The following CATSPER3 variants were observed in gnomAD, a reference collection of about 807,000 sequenced individuals.
CATSPER3 encodes the protein cation channel sperm associated 3, also known as cation channel sperm-associated protein 3.
In CATSPER3, 23 loss-of-function variants were observed where a neutral mutation model predicts 36.6. That is an observed-to-expected ratio of 0.63 (90% CI 0.45 to 0.89). The LOEUF (loss-of-function observed/expected upper bound fraction) is 0.89. CATSPER3 is among the 40% of genes least tolerant of loss of function. The pLI is 0.00. For synonymous variants in CATSPER3, 172 were observed against 184.1 expected (o/e 0.93, Z 0.53); for missense variants, 474 against 503.9 (o/e 0.94, Z 0.57).
intron 2 of CATSPER3, among the ~76,000 whole-genome samples, chr5:134,974,561 C>T (rs986956362): frequency 1.3e-5 from 2 of 152,088 alleles, no homozygotes; most frequent in African/African-American, 4.8e-5. Flanking sequence ...TAATTTATTA[C>T]ACTATATATT....
chr5:135,002,914 T>C (rs1752039976), intron 3 of CATSPER3, among the ~76,000 whole-genome samples: 4 of 152,240 alleles, frequency 2.6e-5, no homozygotes, highest in African/African-American at 9.6e-5. Flanking sequence ...TCCTTTAGCT[T>C]GGAGAAGTTT....
Position 134,968,024 on chromosome 5 carries a change from A to T in CATSPER3, c.33A>T (p.Arg11Ser), listed in dbSNP as rs1751554767. The change falls in exon 1 of 8, where the codon AGA (arginine) becomes AGT (serine). Residue 11 changes from arginine (R) to serine (S), a missense_variant. By Grantham distance (110) the Arg-to-Ser change is moderately radical. Coordinates refer to ENST00000282611, the MANE Select transcript of CATSPER3 (RefSeq NM_178019.3). Reference sequence around the variant, plus strand: ...AACACCGTCACCAGCGCCACTCGAGAGTCATTTCTAGTTCACCAGTTGACA... The same window carrying T: ...AACACCGTCACCAGCGCCACTCGAGTGTCATTTCTAGTTCACCAGTTGACA... MSQHRHQRHSRVISSSPVDTT... is the reference protein window; with the variant it reads MSQHRHQRHSSVISSSPVDTT... The T allele has an allele frequency of 2.5e-6, 4 of 1,614,082 alleles. No individual in the cohort carries two copies. The highest frequency in any genetic ancestry group is 1.3e-5 in the African/African-American group (1 of 75,032).
chr5:135,006,981 G>A (rs192339184), intron 3 of CATSPER3, among the ~76,000 whole-genome samples: 8 of 152,122 alleles, frequency 5.3e-5, no homozygotes, highest in African/African-American at 1.9e-4. Flanking sequence ...AAACCGTTCC[G>A]CATGGAGGGC....
At chr5:134,970,128 T>C in intron 2 of CATSPER3, 36 bp downstream of exon 2, 1 of 1,592,192 alleles carries the variant, frequency 6.3e-7, no homozygotes, top group Non-Finnish European at 8.6e-7. Flanking sequence ...TCTTCTTTTT[T>C]TAAAACATGC....
chr5:135,010,711 GA>G (rs1478806396), intron 7 of CATSPER3, among the ~76,000 whole-genome samples, 181 bp downstream of exon 7: 5 of 152,282 alleles, frequency 3.3e-5, no homozygotes, highest in Middle Eastern at 3.4e-3. Context: ...CTGCTGTGTG[GA>G]CGGGCCATGG....
At chr5:134,970,152 A>T in intron 2 of CATSPER3, 60 bp downstream of exon 2, 2 of 1,535,672 alleles carry the variant, frequency 1.3e-6, no homozygotes, top group Admixed American at 1.7e-5. Flanking sequence ...ATTTCTGGAA[A>T]CATTATAAGA....
chr5:134,969,558 A>G, intron 1 of CATSPER3: 1 of 287,306 alleles, frequency 3.5e-6, no homozygotes, highest in South Asian at 3.8e-5. Context: ...AGTTTTGCTT[A>G]GTAGACTGGC....
At chr5:134,982,838 A>G in intron 2 of CATSPER3, among the ~76,000 whole-genome samples, 1 of 152,348 alleles carries the variant, frequency 6.6e-6, no homozygotes. Context: ...TTAAAAATAT[A>G]TGGTTTAAAA....
chr5:134,969,231 A>G (rs1751571581), intron 1 of CATSPER3: 1 of 152,332 alleles, frequency 6.6e-6, no homozygotes, highest in Admixed American at 6.5e-5. Context: ...CTTGGGTCAG[A>G]GAATGAATGG....
At chr5:134,989,559 A>G (rs1751854488) in intron 2 of CATSPER3, among the ~76,000 whole-genome samples, 1 of 152,166 alleles carries the variant, frequency 6.6e-6, no homozygotes, top group South Asian at 2.1e-4. Flanking sequence ...TCAAGAACCA[A>G]CCTCTGCTAG....
At chr5:134,969,858 G>A in intron 1 of CATSPER3, 81 bp from the exon 2 acceptor site, 2 of 1,382,078 alleles carry the variant, frequency 1.4e-6, no homozygotes, top group Non-Finnish European at 1.0e-6. Flanking sequence ...GCAGAGCCTT[G>A]TCCCTACAAA....
intron 3 of CATSPER3, among the ~76,000 whole-genome samples, chr5:134,999,060 G>A (rs1379389962): frequency 6.6e-6 from 1 of 152,174 alleles, no homozygotes; most frequent in Non-Finnish European, 1.5e-5. Flanking sequence ...TAGCATTTAA[G>A]TCTTTAATCC....
chr5:135,009,056 G>C, intron 5 of CATSPER3, 75 bp downstream of exon 5: 1 of 1,581,892 alleles, frequency 6.3e-7, no homozygotes, highest in Non-Finnish European at 8.7e-7. Context: ...TCTCCAGGGA[G>C]GACCTGGAGC....
intron 2 of CATSPER3, chr5:134,995,735 C>T (rs1751937067): frequency 5.3e-6 from 1 of 187,896 alleles, no homozygotes; most frequent in Non-Finnish European, 1.1e-5. Flanking sequence ...ACTTAGATGA[C>T]ACAAAGAGTA....
Position 134,989,934 on chromosome 5 carries a change from G to T in CATSPER3, c.253-6339G>T, listed in dbSNP as rs548679802. 3.3e-5 allele frequency among the ~76,000 whole-genome samples: 5 copies of T among 152,240 alleles called. 1 individual carries two copies. In the South Asian group the frequency reaches 1.0e-3, roughly 32 times the overall value. Reference sequence around the variant, plus strand: ...CCTTCATTTCACTTGAACACTTACAGATCATTGTAGGGTTATTAACTGACC... The same window carrying T: ...CCTTCATTTCACTTGAACACTTACATATCATTGTAGGGTTATTAACTGACC... On this transcript the variant is annotated intron_variant, in intron 2 of 7. Coordinates refer to ENST00000282611, the MANE Select transcript of CATSPER3 (RefSeq NM_178019.3).
intron 2 of CATSPER3, among the ~76,000 whole-genome samples, chr5:134,989,713 A>G (rs1280418110): frequency 6.6e-6 from 1 of 152,234 alleles, no homozygotes; most frequent in Non-Finnish European, 1.5e-5. Flanking sequence ...AACTTTCTCC[A>G]TATGAGCAAT....
chr5:134,999,926 C>T (rs1313706202), intron 3 of CATSPER3, among the ~76,000 whole-genome samples: 1 of 152,156 alleles, frequency 6.6e-6, no homozygotes, highest in African/African-American at 2.4e-5. Flanking sequence ...ATTGCCCTGG[C>T]CAGAACTTCC....
At chr5:135,008,564 C>T (rs960261781) in intron 4 of CATSPER3, among the ~76,000 whole-genome samples, 2 of 152,074 alleles carry the variant, frequency 1.3e-5, no homozygotes, top group African/African-American at 4.8e-5. Context: ...TAAAGGTGGG[C>T]CTGGCAGAGA....
At chr5:134,971,191 C>T (rs748920842) in intron 2 of CATSPER3, among the ~76,000 whole-genome samples, 14 of 152,198 alleles carry the variant, frequency 9.2e-5, no homozygotes, top group Middle Eastern at 3.4e-3. Context: ...CCTCGTGATC[C>T]GCCCTCCTCG....
Sources: gnomAD v4.1 joint callset for allele counts (sites outside exome capture counted in the v4.1 genomes callset) on GRCh38, gnomAD v4.1.1 for gene constraint, MANE v1.5 for transcripts, NCBI Gene and HGNC (gene_info 2026-07-23, HGNC 2026-07-21) for gene names.